C12orf42: variants seen among roughly 807,000 people sequenced by gnomAD.
C12orf42 encodes the protein uncharacterized protein C12orf42.
A neutral mutation model predicts 21.6 loss-of-function variants in C12orf42; 25 were observed. That is an observed-to-expected ratio of 1.16 (90% CI 0.84 to 1.62). C12orf42 has a LOEUF of 1.62. C12orf42 is among the 40% of genes most tolerant of loss of function. The pLI is 0.00. For synonymous variants in C12orf42, 174 were observed against 175.0 expected (o/e 0.99, Z 0.05); for missense variants, 483 against 459.3 (o/e 1.05, Z -0.47).
intron 2 of C12orf42, among the ~76,000 whole-genome samples, chr12:103,475,482 A>G (rs1188536298): frequency 1.3e-5 from 2 of 152,230 alleles, no homozygotes; most frequent in Non-Finnish European, 2.9e-5. Flanking sequence ...CAATTTTCTC[A>G]GGGTGGCTGT....
chr12:103,362,432 A>T (rs1451972702), intron 4 of C12orf42, among the ~76,000 whole-genome samples: 5 of 152,150 alleles, frequency 3.3e-5, no homozygotes, highest in Non-Finnish European at 7.4e-5. Context: ...AATTCTGGTA[A>T]TATGACAAAA....
chr12:103,398,326 T>C (rs1426600280), intron 3 of C12orf42, among the ~76,000 whole-genome samples: 1 of 152,198 alleles, frequency 6.6e-6, no homozygotes, highest in South Asian at 2.1e-4. Context: ...TGTTGGTGAA[T>C]TGTCAATTCA....
At chr12:103,185,940 G>A in the C12orf42 span, among the ~76,000 whole-genome samples, 1 of 152,114 alleles carries the variant, frequency 6.6e-6, no homozygotes, top group Non-Finnish European at 1.5e-5. Context: ...TGTCCCTTGA[G>A]AAACAGTCTT....
intron 5 of C12orf42, among the ~76,000 whole-genome samples, chr12:103,303,238 G>A (rs1288166231): frequency 6.6e-6 from 1 of 151,898 alleles, no homozygotes; most frequent in Non-Finnish European, 1.5e-5. Context: ...ACTGCTATAT[G>A]TGTGTGTGAA....
chr12:103,442,258 A>G (rs1951291143), intron 2 of C12orf42, among the ~76,000 whole-genome samples: 1 of 152,246 alleles, frequency 6.6e-6, no homozygotes, highest in Non-Finnish European at 1.5e-5. Context: ...ACTAATGTTC[A>G]TGCATGGCTG....
intron 10 of C12orf42, among the ~76,000 whole-genome samples, chr12:103,255,903 A>T (rs955677200): frequency 6.7e-6 from 1 of 150,244 alleles, no homozygotes; most frequent in Non-Finnish European, 1.5e-5. Context: ...TACAAAAAAA[A>T]TTAGCCGGGC....
chr12:103,200,824 T>A, the C12orf42 span, among the ~76,000 whole-genome samples: 1 of 152,208 alleles, frequency 6.6e-6, no homozygotes. Flanking sequence ...GAATTTTAAA[T>A]CATTATAATT....
intron 4 of C12orf42, among the ~76,000 whole-genome samples, chr12:103,285,893 C>T (rs146363155): frequency 5.9e-5 from 9 of 152,232 alleles, no homozygotes; most frequent in African/African-American, 2.2e-4. Flanking sequence ...GCTGAATCTT[C>T]AGTACTTAAA....
the C12orf42 span, among the ~76,000 whole-genome samples, chr12:103,517,220 T>C: frequency 2.0e-5 from 3 of 152,222 alleles, no homozygotes; most frequent in East Asian, 5.8e-4. Context: ...CACATATACA[T>C]CCAAGCCTGT....
At chr12:103,419,262 T>G (rs929507967) in intron 2 of C12orf42, among the ~76,000 whole-genome samples, 1 of 151,552 alleles carries the variant, frequency 6.6e-6, no homozygotes, top group South Asian at 2.1e-4. Flanking sequence ...TGTAAAGGAG[T>G]TTGGAATTTA....
the C12orf42 span, among the ~76,000 whole-genome samples, chr12:103,048,028 C>A: frequency 7.0e-6 from 1 of 142,654 alleles, no homozygotes; most frequent in Non-Finnish European, 1.5e-5. Flanking sequence ...TACAAAGGAG[C>A]CTTTTACCAG....
At chr12:103,330,438 A>C (rs774538210) in intron 4 of C12orf42, among the ~76,000 whole-genome samples, 8 of 152,220 alleles carry the variant, frequency 5.3e-5, no homozygotes, top group Non-Finnish European at 1.2e-4. Context: ...TAGTCTCATT[A>C]GTCTCAATAA....
the C12orf42 span, among the ~76,000 whole-genome samples, chr12:103,223,813 C>G: frequency 6.6e-6 from 1 of 152,098 alleles, no homozygotes; most frequent in Non-Finnish European, 1.5e-5. Context: ...CGAGGACAGG[C>G]CTGAATTCTG....
At chr12:103,101,039 G>C in the C12orf42 span, among the ~76,000 whole-genome samples, 1 of 152,144 alleles carries the variant, frequency 6.6e-6, no homozygotes, top group African/African-American at 2.4e-5. Context: ...TATAATTGTT[G>C]GGTAATCTTG....
chr12:103,322,503 G>A (rs781494296), intron 4 of C12orf42, among the ~76,000 whole-genome samples: 10 of 152,130 alleles, frequency 6.6e-5, no homozygotes, highest in Non-Finnish European at 1.0e-4. Context: ...AAGAATGAGA[G>A]GCACAGATGG....
the C12orf42 span, among the ~76,000 whole-genome samples, chr12:103,131,135 C>A: frequency 6.6e-6 from 1 of 152,096 alleles, no homozygotes; most frequent in Non-Finnish European, 1.5e-5. Context: ...GTAATGGTTA[C>A]AGAATATTAA....
downstream of C12orf42, chr12:103,301,953 G>A (rs2136449764): frequency 2.3e-6 from 2 of 860,790 alleles, no homozygotes; most frequent in Admixed American, 3.1e-5. Flanking sequence ...GGCTGCGCTA[G>A]GGACTTTTGA....
the C12orf42 span, among the ~76,000 whole-genome samples, chr12:103,205,899 C>T: frequency 6.6e-6 from 1 of 152,090 alleles, no homozygotes; most frequent in African/African-American, 2.4e-5. Context: ...TGTAAGCGTT[C>T]AAATTAAAAA....
At chr12:103,238,575 T>C (rs1332791800) in intron 10 of C12orf42, among the ~76,000 whole-genome samples, 1 of 152,180 alleles carries the variant, frequency 6.6e-6, no homozygotes, top group Non-Finnish European at 1.5e-5. Flanking sequence ...GTGGTAATTA[T>C]TGAAAGGATA....
Sources: allele counts gnomAD v4.1 joint callset (sites outside exome capture counted in the v4.1 genomes callset), GRCh38; gene constraint gnomAD v4.1.1; transcripts MANE v1.5; gene names NCBI Gene and HGNC (gene_info 2026-07-23, HGNC 2026-07-21).